GALNT17: variants seen among roughly 807,000 people sequenced by gnomAD.
GALNT17 encodes the protein UDP-GalNAc:polypeptide N-acetylgalactosaminyltransferase-like 3.
GALNT17 carries 29 observed loss-of-function variants against 63.7 expected under a neutral mutation model. The observed-to-expected ratio is 0.46, with a 90% CI of 0.34 to 0.62. GALNT17 has a LOEUF of 0.62. Ranked by LOEUF, GALNT17 falls within the 20% of genes least tolerant of loss-of-function variation. The pLI is 0.01. For synonymous variants in GALNT17, 305 were observed against 318.3 expected, an observed-to-expected ratio of 0.96 and a Z score of 0.45; for missense variants, 603 against 799.6, an observed-to-expected ratio of 0.75 and a Z score of 2.97.
intron 5 of GALNT17, among the ~76,000 whole-genome samples, chr7:71,458,513 T>C (rs1358301356): frequency 1.3e-5 from 2 of 152,206 alleles, no homozygotes; most frequent in South Asian, 2.1e-4. Context: ...GCAGTGCTCC[T>C]TTAGCTCTGC....
rs556904649 is a variant in GALNT17 at position 71,564,892 on chromosome 7, C to G, written c.963-6393C>G. The stretch of plus-strand genomic sequence containing the variant: ...GCTGTTTCCAGCACAGAGGGGACTC[C>G]GGGCAAGTCATGCTGCGAAGCTTTC... On this transcript the variant is annotated intron_variant, in intron 5 of 10. Coordinates refer to ENST00000333538, the MANE Select transcript of GALNT17 (RefSeq NM_022479.3). Among the ~76,000 whole-genome samples, 10 of 152,244 alleles carry G rather than the reference C, an allele frequency of 6.6e-5. No homozygotes were observed. In the East Asian group the frequency reaches 1.9e-3, roughly 29 times the overall value.
At chr7:71,303,338 A>G (rs1791234495) in intron 1 of GALNT17, among the ~76,000 whole-genome samples, 1 of 152,024 alleles carries the variant, frequency 6.6e-6, no homozygotes, top group Non-Finnish European at 1.5e-5. Flanking sequence ...TTTTTTTTGT[A>G]GAGATGGGAT....
chr7:71,452,944 C>G (rs1787290475), intron 5 of GALNT17, among the ~76,000 whole-genome samples: 1 of 152,168 alleles, frequency 6.6e-6, no homozygotes, highest in South Asian at 2.1e-4. Flanking sequence ...ATTGGTGATT[C>G]TACCTAGATC....
intron 3 of GALNT17, among the ~76,000 whole-genome samples, chr7:71,415,550 C>T (rs756276034): frequency 2.6e-5 from 4 of 152,052 alleles, no homozygotes; most frequent in African/African-American, 4.8e-5. Context: ...TTTGATAAAC[C>T]GGACAAGGAT....
intron 8 of GALNT17, among the ~76,000 whole-genome samples, chr7:71,672,499 A>G (rs771265542): frequency 5.3e-5 from 8 of 152,224 alleles, no homozygotes; most frequent in Non-Finnish European, 8.8e-5. Flanking sequence ...CTGAAAATAC[A>G]TATACCACAA....
rs1453376730 is a variant in GALNT17 at position 71,669,886 on chromosome 7, GT to G, written c.1267-83del. The G allele has an allele frequency of 4.6e-6, 7 of 1,537,038 alleles. No individual in the cohort carries two copies. In the African/African-American group the frequency reaches 8.3e-5, roughly 18 times the overall value. On this transcript the variant is annotated intron_variant, in intron 7 of 10. Coordinates refer to ENST00000333538, the MANE Select transcript of GALNT17 (RefSeq NM_022479.3). ...CAGGCTTAAGATCTTCTATGTGAAG[GT>G]TTCCCTGAAAGTGACTCCACCTGTG...
intron 6 of GALNT17, among the ~76,000 whole-genome samples, chr7:71,623,575 G>A (rs553678930): frequency 5.9e-4 from 89 of 151,932 alleles, no homozygotes; most frequent in African/African-American, 2.0e-3. Flanking sequence ...ACACCACCAC[G>A]CCAAGCTATT....
At chr7:71,270,103 AC>A (rs1463498710) in intron 1 of GALNT17, among the ~76,000 whole-genome samples, 1 of 152,156 alleles carries the variant, frequency 6.6e-6, no homozygotes, top group African/African-American at 2.4e-5. Context: ...ACCCCCAGCA[AC>A]CTTATGAGTA....
At chr7:71,554,928 G>A (rs1156472665) in intron 5 of GALNT17, among the ~76,000 whole-genome samples, 1 of 152,170 alleles carries the variant, frequency 6.6e-6, no homozygotes, top group African/African-American at 2.4e-5. Flanking sequence ...AAAGAAAAGA[G>A]GGTTATTTGG....
intron 6 of GALNT17, among the ~76,000 whole-genome samples, chr7:71,628,815 C>G (rs1584100162): frequency 6.6e-6 from 1 of 152,088 alleles, no homozygotes; most frequent in Non-Finnish European, 1.5e-5. Context: ...GCCTGTAATC[C>G]CAGCTACTCA....
intron 1 of GALNT17, among the ~76,000 whole-genome samples, chr7:71,177,304 G>C (rs1001775009): frequency 3.3e-5 from 5 of 152,066 alleles, no homozygotes; most frequent in African/African-American, 7.2e-5. Flanking sequence ...TCTGTCTCCA[G>C]TCACTCAGGG....
intron 2 of GALNT17, among the ~76,000 whole-genome samples, chr7:71,368,792 G>A (rs953291940): frequency 2.6e-5 from 4 of 151,856 alleles, no homozygotes; most frequent in Admixed American, 1.3e-4. Flanking sequence ...CTTGTTCTTC[G>A]GTGTGTTAAG....
chr7:71,530,832 C>T (rs932890661), intron 5 of GALNT17, among the ~76,000 whole-genome samples: 19 of 152,062 alleles, frequency 1.2e-4, no homozygotes, highest in East Asian at 5.8e-4. Context: ...CCTCCCAAAG[C>T]GCTGGGATTA....
intron 1 of GALNT17, among the ~76,000 whole-genome samples, chr7:71,152,518 C>A (rs1269555279): frequency 6.6e-6 from 1 of 152,190 alleles, no homozygotes; most frequent in African/African-American, 2.4e-5. Context: ...AGCATCATTG[C>A]TTGGTGCTCC....
chr7:71,604,779 T>TCTC (rs1281383368), intron 6 of GALNT17, among the ~76,000 whole-genome samples: 2 of 152,182 alleles, frequency 1.3e-5, no homozygotes, highest in African/African-American at 4.8e-5. Flanking sequence ...CAGTTGCATG[T>TCTC]CTCCTCCTCC....
chr7:71,650,923 T>C (rs755584618), intron 6 of GALNT17, among the ~76,000 whole-genome samples: 18 of 152,188 alleles, frequency 1.2e-4, no homozygotes, highest in Non-Finnish European at 2.6e-4. Context: ...ATTATCTTTA[T>C]ACCCCTGGCA....
chr7:71,191,199 C>T (rs902356893), intron 1 of GALNT17, among the ~76,000 whole-genome samples: 5 of 152,118 alleles, frequency 3.3e-5, no homozygotes, highest in Non-Finnish European at 5.9e-5. Flanking sequence ...TCTCTTGTAT[C>T]GCTTCCTAGT....
At chr7:71,203,762 A>G (rs1421057642) in intron 1 of GALNT17, among the ~76,000 whole-genome samples, 2 of 152,156 alleles carry the variant, frequency 1.3e-5, no homozygotes, top group South Asian at 2.1e-4. Context: ...CACATGGCAG[A>G]AGGAGGAGCA....
At chr7:71,336,032 C>CTTT (rs1167623885) in intron 2 of GALNT17, among the ~76,000 whole-genome samples, 2 of 21,284 alleles carry the variant, frequency 9.4e-5, no homozygotes, top group Non-Finnish European at 1.7e-4. Context: ...TTCTTTCTTC[C>CTTT]TTTTTTTTTT....
Sources: allele counts gnomAD v4.1 joint callset (sites outside exome capture counted in the v4.1 genomes callset), GRCh38; gene constraint gnomAD v4.1.1; transcripts MANE v1.5; gene names NCBI Gene and HGNC (gene_info 2026-07-23, HGNC 2026-07-21).